CSMD1: variants seen among roughly 807,000 people sequenced by gnomAD.
The protein encoded by CSMD1 is CUB and Sushi multiple domains 1, also known as CUB and sushi domain-containing protein 1.
A neutral mutation model predicts 417.5 loss-of-function variants in CSMD1; 213 were observed. That is an observed-to-expected ratio of 0.51 (90% CI 0.46 to 0.57). The LOEUF (loss-of-function observed/expected upper bound fraction) is 0.57. Ranked by LOEUF, CSMD1 falls within the 20% of genes least tolerant of loss-of-function variation. The probability of loss-of-function intolerance (pLI) is 0.00; values close to 1 mark genes in which losing one functional copy is unlikely to be tolerated. For missense variants in CSMD1, 6,923 were observed against 4,529.7 expected, an observed-to-expected ratio of 1.53 and a Z score of -15.17; for synonymous variants, 2,862 against 1,736.8, an observed-to-expected ratio of 1.65 and a Z score of -16.11.
At chr8:3,915,036 C>A (rs1261604183) in intron 5 of CSMD1, among the ~76,000 whole-genome samples, 2 of 152,136 alleles carry the variant, frequency 1.3e-5, no homozygotes, top group African/African-American at 4.8e-5. Context: ...TCTACAAACA[C>A]ATCCAGGGAT....
At chr8:4,421,576 T>A (rs555742475) in intron 2 of CSMD1, among the ~76,000 whole-genome samples, 1 of 148,550 alleles carries the variant, frequency 6.7e-6, no homozygotes, top group South Asian at 2.1e-4. Context: ...ACAACACACT[T>A]CTAAATAATC....
intron 2 of CSMD1, among the ~76,000 whole-genome samples, chr8:4,588,100 G>A (rs922025113): frequency 6.6e-6 from 1 of 152,104 alleles, no homozygotes; most frequent in African/African-American, 2.4e-5. Flanking sequence ...AAATGCCTCT[G>A]GCTTCCCTCT....
rs980457261 is a variant in CSMD1 at position 4,994,321 on chromosome 8, G to C, written c.85+11C>G. On this transcript the variant is annotated intron_variant, in intron 1 of 69. Transcript: ENST00000635120. Reference sequence around the variant, plus strand: ...CTACCGCCTCCCCGGCCAGGAGCAAGTCCGTCTTACCCTTCGCTGCAGTGA... The same window carrying C: ...CTACCGCCTCCCCGGCCAGGAGCAACTCCGTCTTACCCTTCGCTGCAGTGA... The C allele has an allele frequency of 3.1e-6, 5 of 1,608,390 alleles. No homozygotes were observed. The South Asian group carries it at 4.4e-5, about 14-fold the overall frequency.
At chr8:3,601,542 C>G (rs750426881) in intron 8 of CSMD1, among the ~76,000 whole-genome samples, 6 of 152,104 alleles carry the variant, frequency 3.9e-5, no homozygotes, top group African/African-American at 1.4e-4. Context: ...ACAGCAGGCA[C>G]TTATAAAAGG....
intron 1 of CSMD1, among the ~76,000 whole-genome samples, chr8:4,985,506 A>G (rs1329673433): frequency 1.3e-5 from 2 of 152,188 alleles, no homozygotes; most frequent in African/African-American, 2.4e-5. Flanking sequence ...AATCCTTTTC[A>G]AGAGTCAAGT....
chr8:4,485,937 T>C (rs1585151872), intron 2 of CSMD1, among the ~76,000 whole-genome samples: 2 of 152,068 alleles, frequency 1.3e-5, no homozygotes, highest in South Asian at 4.1e-4. Context: ...AATTATTTTG[T>C]AGCCACAAAG....
intron 2 of CSMD1, among the ~76,000 whole-genome samples, chr8:4,489,052 A>G (rs1461850742): frequency 6.6e-6 from 1 of 152,208 alleles, no homozygotes; most frequent in Non-Finnish European, 1.5e-5. Context: ...CTGGGAATAC[A>G]GGTGCGTGCC....
intron 18 of CSMD1, among the ~76,000 whole-genome samples, chr8:3,374,503 G>T (rs1472202534): frequency 6.6e-6 from 1 of 152,092 alleles, no homozygotes; most frequent in Non-Finnish European, 1.5e-5. Context: ...TTTATTCTAA[G>T]AACAAGAATA....
chr8:4,250,270 A>G (rs1357391441), intron 3 of CSMD1, among the ~76,000 whole-genome samples: 3 of 152,160 alleles, frequency 2.0e-5, no homozygotes, highest in African/African-American at 7.2e-5. Context: ...AAGCCTCTCT[A>G]GTGATATAAA....
At chr8:4,366,420 A>T (rs1395721986) in intron 3 of CSMD1, among the ~76,000 whole-genome samples, 1 of 152,090 alleles carries the variant, frequency 6.6e-6, no homozygotes, top group Non-Finnish European at 1.5e-5. Flanking sequence ...TGACAGAATG[A>T]TTTATTTCCT....
intron 4 of CSMD1, among the ~76,000 whole-genome samples, chr8:4,028,986 C>T (rs927237328): frequency 6.6e-6 from 1 of 152,118 alleles, no homozygotes; most frequent in Non-Finnish European, 1.5e-5. Context: ...AAGGAATTCT[C>T]ATCTTGCTCT....
chr8:4,447,654 A>G (rs1020082267), intron 2 of CSMD1, among the ~76,000 whole-genome samples: 3 of 152,212 alleles, frequency 2.0e-5, no homozygotes, highest in Non-Finnish European at 2.9e-5. Flanking sequence ...CGGAAAAGGA[A>G]GGAATGGTTT....
chr8:4,267,847 AT>A (rs1266109717), intron 3 of CSMD1, among the ~76,000 whole-genome samples: 23 of 152,232 alleles, frequency 1.5e-4, no homozygotes, highest in African/African-American at 5.5e-4. Flanking sequence ...TTTAGCTTGA[AT>A]TATTGTCATA....
chr8:4,508,822 T>C (rs936478748), intron 2 of CSMD1, among the ~76,000 whole-genome samples: 14 of 152,178 alleles, frequency 9.2e-5, no homozygotes, highest in African/African-American at 3.1e-4. Flanking sequence ...TTTAAAAATA[T>C]TAAATTTTAG....
At chr8:3,817,428 G>C (rs960280879) in intron 5 of CSMD1, among the ~76,000 whole-genome samples, 1 of 151,528 alleles carries the variant, frequency 6.6e-6, no homozygotes, top group Non-Finnish European at 1.5e-5. Flanking sequence ...CTATAGGCGT[G>C]CGCCAACATT....
chr8:4,549,907 A>AG (rs1458280051), intron 2 of CSMD1, among the ~76,000 whole-genome samples: 6 of 150,686 alleles, frequency 4.0e-5, no homozygotes, highest in Admixed American at 4.0e-4. Flanking sequence ...AAAAAAAAAA[A>AG]AAAAAAAAAA....
intron 52 of CSMD1, among the ~76,000 whole-genome samples, chr8:3,014,835 G>A (rs1405239513): frequency 6.6e-6 from 1 of 152,020 alleles, no homozygotes; most frequent in Non-Finnish European, 1.5e-5. Context: ...AGGAGCACTT[G>A]AGTCCAGGAG....
rs554584670 is a variant in CSMD1 at position 3,421,896 on chromosome 8, C to G, written c.1562-12291G>C. On this transcript the variant is annotated intron_variant, in intron 12 of 69. Transcript: ENST00000635120. ...CAGGCGATCCACCCACCTTGGCCGC[C>G]CAAAGTGCTGGGATTACAGGCGTGA... Among the ~76,000 whole-genome samples the G allele has an allele frequency of 2.1e-5, 3 of 145,978 alleles. No homozygotes were observed. In the East Asian group the frequency reaches 5.8e-4, roughly 28 times the overall value.
chr8:3,380,784 T>G (rs1185249980), intron 18 of CSMD1, among the ~76,000 whole-genome samples: 1 of 151,932 alleles, frequency 6.6e-6, no homozygotes, highest in African/African-American at 2.4e-5. Context: ...AAGAAATACC[T>G]AATGTAGATG....
Sources: gnomAD v4.1 joint callset for allele counts (sites outside exome capture counted in the v4.1 genomes callset) on GRCh38, gnomAD v4.1.1 for gene constraint, MANE v1.5 for transcripts, NCBI Gene and HGNC (gene_info 2026-07-23, HGNC 2026-07-21) for gene names.